PXT1: variants seen among roughly 807,000 people sequenced by gnomAD.
PXT1 encodes peroxisomal testis enriched protein 1.
A neutral mutation model predicts 11.0 loss-of-function variants in PXT1; 11 were observed. The observed-to-expected ratio is 1.00, with a 90% CI of 0.63 to 1.66. The LOEUF (loss-of-function observed/expected upper bound fraction) is 1.66, where lower values mean the gene tolerates loss of function less well. Among genes scored for constraint, PXT1 ranks in the 40% most tolerant of loss-of-function variants. The pLI, the probability that PXT1 is intolerant of heterozygous loss-of-function variation, is 0.00. For synonymous variants in PXT1, 43 were observed against 51.4 expected (o/e 0.84, Z 0.70); for missense variants, 141 against 155.5 (o/e 0.91, Z 0.49).
intron 3 of PXT1, among the ~76,000 whole-genome samples, chr6:36,423,904 G>C (rs1370687440): frequency 6.6e-6 from 1 of 152,168 alleles, no homozygotes; most frequent in Non-Finnish European, 1.5e-5. Context: ...ATGGTAAAAC[G>C]GGAGTTCTAG....
chr6:36,405,478 A>T (rs1264055146), intron 3 of PXT1, among the ~76,000 whole-genome samples: 1 of 152,074 alleles, frequency 6.6e-6, no homozygotes, highest in Non-Finnish European at 1.5e-5. Flanking sequence ...TCCCGGGTTC[A>T]AGTGATTCTC....
intron 4 of PXT1, among the ~76,000 whole-genome samples, chr6:36,398,394 A>G (rs77395352): frequency 1.3e-5 from 2 of 152,214 alleles, no homozygotes; most frequent in African/African-American, 2.4e-5. Flanking sequence ...CCAAAAAAAT[A>G]AAAACATGTC....
At chr6:36,398,463 G>A (rs1774172752) in intron 4 of PXT1, among the ~76,000 whole-genome samples, 1 of 152,082 alleles carries the variant, frequency 6.6e-6, no homozygotes, top group Non-Finnish European at 1.5e-5. Flanking sequence ...GCCACAAAGT[G>A]GAAACAACCC....
intron 3 of PXT1, among the ~76,000 whole-genome samples, chr6:36,411,646 A>T (rs1774377144): frequency 6.6e-6 from 1 of 152,192 alleles, no homozygotes; most frequent in African/African-American, 2.4e-5. Context: ...ATCTTTCACT[A>T]AAATAACAAA....
At chr6:36,417,270 C>T (rs995724689) in intron 3 of PXT1, among the ~76,000 whole-genome samples, 2 of 152,026 alleles carry the variant, frequency 1.3e-5, no homozygotes, top group Non-Finnish European at 2.9e-5. Flanking sequence ...TCGCTTGAAC[C>T]CGGGAGGCAG....
In PXT1 at chr6:36,439,661, AAC is replaced by A. The variant is rs756994125; in HGVS notation, c.-129-777_-129-776del. 9.2e-3 allele frequency among the ~76,000 whole-genome samples: 1,358 copies of A among 147,954 alleles called. 14 individuals carry two copies. The highest frequency in any genetic ancestry group is 0.018 in the African/African-American group (705 of 39,474). On this transcript the variant is annotated intron_variant, in intron 1 of 4. Transcript: ENST00000454782. ...ATAAGGCTGAAAAAAAAAAAAAAAA[AAC>A]AACTAAGCATTCTCAGTATTAGGTT...
rs192838000 is a variant in PXT1, at chr6:36,411,844, A to C, written c.170-11260T>G. 9.2e-4 allele frequency among the ~76,000 whole-genome samples: 140 copies of C among 151,808 alleles called. 2 individuals carry two copies. Among genetic ancestry groups the C allele is most frequent in the Admixed American group, 6.0e-3 (91 of 15,252 alleles). On this transcript the variant is annotated intron_variant, in intron 3 of 4. Transcript: ENST00000454782. Reference sequence around the variant, plus strand: ...TGTGTCTGTAGTCCCACCTACTCAGAGGCCGAGGTGAGAGGATCATTTGAG... The same window carrying C: ...TGTGTCTGTAGTCCCACCTACTCAGCGGCCGAGGTGAGAGGATCATTTGAG...
intron 3 of PXT1, among the ~76,000 whole-genome samples, chr6:36,419,461 AGGCAAAGG>A (rs1163186195): frequency 6.6e-6 from 1 of 152,192 alleles, no homozygotes; most frequent in Non-Finnish European, 1.5e-5. Context: ...GCAGTTAGGT[AGGCAAAGG>A]GGCAGAGGAG....
chr6:36,425,800 C>CAAAAACAAACA lies in PXT1; in HGVS notation c.169+113_169+114insTGTTTGTTTTT, dbSNP rs1433662209. The CAAAAACAAACA allele has an allele frequency of 5.9e-4, 128 of 216,682 alleles. 1 individual carries two copies. Among genetic ancestry groups the CAAAAACAAACA allele is most frequent in the African/African-American group, 3.4e-3 (100 of 29,796 alleles). 13.4% of individuals were successfully genotyped at this position (216,682 alleles called of 1,614,324 possible). A position where few individuals can be genotyped will look rare whatever the true frequency, so the allele number is the denominator to read the frequency against. ...GAGACTCTGTCTCAAAAAACAAAAA[C>CAAAAACAAACA]AAAAAATATATATATATATATATAT... On this transcript the variant is annotated intron_variant, in intron 3 of 4. Transcript: ENST00000454782.
intron 3 of PXT1, among the ~76,000 whole-genome samples, chr6:36,417,767 C>CAAAA (rs369423691): frequency 6.6e-5 from 4 of 60,410 alleles, no homozygotes; most frequent in African/African-American, 1.1e-4. Context: ...GATCCTGTCT[C>CAAAA]AAAAAAAAAA....
chr6:36,423,441 G>A (rs1289073312), intron 3 of PXT1, among the ~76,000 whole-genome samples: 7 of 152,254 alleles, frequency 4.6e-5, no homozygotes, highest in African/African-American at 1.7e-4. Context: ...AGGCGATAGA[G>A]GTCACGTGGG....
chr6:36,392,359 TGC>T (rs1376909200), intron 4 of PXT1, among the ~76,000 whole-genome samples: 5 of 152,192 alleles, frequency 3.3e-5, no homozygotes, highest in Admixed American at 1.3e-4. Flanking sequence ...TGAGCAAGTT[TGC>T]CTTGAGGCTA....
At chr6:36,427,156 C>T (rs758891740) in intron 2 of PXT1, among the ~76,000 whole-genome samples, 4 of 151,910 alleles carry the variant, frequency 2.6e-5, no homozygotes, top group Non-Finnish European at 4.4e-5. Flanking sequence ...GTGCGTGCCA[C>T]CATGCCCAGC....
chr6:36,417,872 C>A (rs1012283762), intron 3 of PXT1, among the ~76,000 whole-genome samples: 1 of 151,878 alleles, frequency 6.6e-6, no homozygotes, highest in Non-Finnish European at 1.5e-5. Context: ...TGAATTCTGG[C>A]TGCACAAGAC....
At chr6:36,399,751 G>A (rs1472550520) in intron 4 of PXT1, among the ~76,000 whole-genome samples, 4 of 152,172 alleles carry the variant, frequency 2.6e-5, no homozygotes, top group Non-Finnish European at 5.9e-5. Context: ...GGAAAACTAA[G>A]TTAGCTGTGG....
intron 3 of PXT1, among the ~76,000 whole-genome samples, chr6:36,400,914 G>A (rs1466178080): frequency 6.6e-6 from 1 of 151,738 alleles, no homozygotes; most frequent in Non-Finnish European, 1.5e-5. Flanking sequence ...AGGTTGCAGT[G>A]AGCCAAGATT....
intron 3 of PXT1, among the ~76,000 whole-genome samples, chr6:36,411,188 G>A (rs1774370071): frequency 6.6e-6 from 1 of 152,190 alleles, no homozygotes; most frequent in South Asian, 2.1e-4. Context: ...GTGGCTCAAT[G>A]CCTGTAATCC....
At chr6:36,416,213 A>G (rs191284252) in intron 3 of PXT1, among the ~76,000 whole-genome samples, 33 of 151,970 alleles carry the variant, frequency 2.2e-4, no homozygotes, top group Admixed American at 2.1e-3. Context: ...GCCGGGTGTG[A>G]TGGAGTGCAC....
chr6:36,406,923 T>G (rs537518655), intron 3 of PXT1, among the ~76,000 whole-genome samples: 26 of 152,116 alleles, frequency 1.7e-4, no homozygotes, highest in African/African-American at 6.3e-4. Context: ...AGAAACCACA[T>G]CTTTCTGGAG....
Sources: allele counts gnomAD v4.1 joint callset (sites outside exome capture counted in the v4.1 genomes callset), GRCh38; gene constraint gnomAD v4.1.1; transcripts MANE v1.5; gene names NCBI Gene and HGNC (gene_info 2026-07-23, HGNC 2026-07-21).